The following WNT9B variants were observed in gnomAD, a reference collection of about 807,000 sequenced individuals.
The protein encoded by WNT9B is Wnt family member 9B, also known as protein Wnt-9b.
In WNT9B, 12 loss-of-function variants were observed where a neutral mutation model predicts 30.2. That is an observed-to-expected ratio of 0.40 (90% confidence interval 0.26 to 0.64). The LOEUF (loss-of-function observed/expected upper bound fraction) is 0.64, where lower values mean the gene tolerates loss of function less well. WNT9B is among the 30% of genes least tolerant of loss of function. WNT9B has a pLI of 0.42. For missense variants in WNT9B, 442 were observed against 485.2 expected (o/e 0.91, Z 0.84); for synonymous variants, 218 against 216.9 (o/e 1.01, Z -0.05).
At chr17:46,869,856 A>G (rs1458211438) in intron 1 of WNT9B, among the ~76,000 whole-genome samples, 1 of 151,956 alleles carries the variant, frequency 6.6e-6, no homozygotes, top group Non-Finnish European at 1.5e-5. Context: ...AAAATTAGCC[A>G]GGGATGGTGG....
intron 1 of WNT9B, among the ~76,000 whole-genome samples, chr17:46,836,039 A>C (rs1401150196): frequency 6.6e-6 from 1 of 150,566 alleles, no homozygotes; most frequent in Non-Finnish European, 1.5e-5. Flanking sequence ...GAGGATGGTC[A>C]GGGTCATAGT....
At chr17:46,852,256 G>A (rs2084862012) in intron 1 of WNT9B, among the ~76,000 whole-genome samples, 1 of 150,054 alleles carries the variant, frequency 6.7e-6, no homozygotes, top group African/African-American at 2.4e-5. Context: ...CAGGGAGAAT[G>A]GGGGAAACCT....
chr17:46,884,246 C>T (rs566505333), downstream of WNT9B, among the ~76,000 whole-genome samples: 16 of 152,316 alleles, frequency 1.1e-4, no homozygotes, highest in African/African-American at 3.1e-4. Context: ...GGTCACCTGA[C>T]GCTGACACAT....
intron 1 of WNT9B, chr17:46,833,542 C>T (rs1209043018): frequency 4.9e-6 from 2 of 410,388 alleles, no homozygotes; most frequent in East Asian, 1.4e-4. Flanking sequence ...CTGCTGGAGG[C>T]CGACCTGAGC....
intron 1 of WNT9B, among the ~76,000 whole-genome samples, chr17:46,857,592 C>G (rs2084960764): frequency 6.6e-6 from 1 of 151,200 alleles, no homozygotes; most frequent in Non-Finnish European, 1.5e-5. Context: ...TTTCATTTCT[C>G]TTGGATAACT....
chr17:46,854,340 T>G (rs1323786997), intron 1 of WNT9B, among the ~76,000 whole-genome samples: 1 of 152,242 alleles, frequency 6.6e-6, no homozygotes, highest in Non-Finnish European at 1.5e-5. Context: ...GTCATTTGCA[T>G]TTGATTATAA....
At chr17:46,849,006 T>G (rs1420631843), upstream of WNT9B, among the ~76,000 whole-genome samples, 1 of 152,090 alleles carries the variant, frequency 6.6e-6, no homozygotes, top group Non-Finnish European at 1.5e-5. Context: ...GAAGGAGCTA[T>G]TATCTGGGCA....
At chr17:46,847,467 A>T (rs1268697433), upstream of WNT9B, among the ~76,000 whole-genome samples, 1 of 152,224 alleles carries the variant, frequency 6.6e-6, no homozygotes, top group Non-Finnish European at 1.5e-5. Context: ...ATACAGTTCA[A>T]GTATGTGGGG....
chr17:46,866,121 T>C (rs1020479521), intron 1 of WNT9B, among the ~76,000 whole-genome samples: 5 of 151,988 alleles, frequency 3.3e-5, no homozygotes, highest in African/African-American at 1.2e-4. Context: ...GAAAGGCACC[T>C]GGAAGGTAGA....
intron 1 of WNT9B, among the ~76,000 whole-genome samples, chr17:46,846,109 A>G (rs942121283): frequency 6.6e-6 from 1 of 152,108 alleles, no homozygotes; most frequent in Non-Finnish European, 1.5e-5. Context: ...TGAAATTGAG[A>G]GTTCTCCTCC....
chr17:46,837,988 G>A lies in WNT9B; in HGVS notation c.95+4548G>A, dbSNP rs148477495. ...TGGCGTTTTCCACGTGTACATCACC[G>A]TCTTTCTCCACCCAAGGGAGTGAGC... On this transcript the variant is annotated intron_variant, in intron 1 of 2. Coordinates refer to the WNT9B transcript ENST00000575372. Among the ~76,000 whole-genome samples, 826 of 152,248 alleles carry A rather than the reference G, an allele frequency of 5.4e-3. 12 individuals carry two copies. Among genetic ancestry groups the A allele is most frequent in the African/African-American group, 0.018 (758 of 41,550 alleles).
intron 1 of WNT9B, among the ~76,000 whole-genome samples, chr17:46,870,592 A>AC (rs137906947): frequency 0.027 from 4,136 of 152,288 alleles, 79 homozygotes; most frequent in Non-Finnish European, 0.042. Flanking sequence ...TGATGGGTTG[A>AC]CTGCACCTGA....
At position 46,851,599 on chromosome 17, in the gene WNT9B, G is replaced by A. The variant is rs1379294011; in HGVS notation, c.-40G>A. ...TGGTGGCGGAGCTGCGAGCTTGAGC[G>A]GCGCGAGGAGATGCTAGAGGGCGCA... On this transcript the variant is annotated 5_prime_UTR_variant, in exon 1 of 4. Transcript: ENST00000290015. The surrounding 1 kb of genome is among the most constrained non-coding windows in gnomAD (Gnocchi z 4.3). 1.7e-6 allele frequency: 2 copies of A among 1,176,478 alleles called. No individual in the cohort carries two copies. Among genetic ancestry groups the A allele is most frequent in the East Asian group, 3.4e-5 (1 of 29,284 alleles). 72.9% of individuals were successfully genotyped at this position (1,176,478 alleles called of 1,614,324 possible).
chr17:46,872,397 C>T (rs12602170), intron 1 of WNT9B, 120 bp from the exon 2 acceptor site: 23 of 1,348,524 alleles, frequency 1.7e-5, no homozygotes, highest in Middle Eastern at 2.9e-4. Context: ...GGACCTCCAG[C>T]GGGTCAGCCT....
At chr17:46,834,707 A>G (rs775984114) in intron 1 of WNT9B, among the ~76,000 whole-genome samples, 36 of 151,986 alleles carry the variant, frequency 2.4e-4, no homozygotes, top group Admixed American at 9.2e-4. Context: ...CAGAGGAGCC[A>G]GTTTTAACCT....
chr17:46,872,549 C>G lies in WNT9B; in HGVS notation c.110C>G (p.Pro37Arg), dbSNP rs769476033. The change falls in exon 2 of 4, where the codon CCA becomes CGA. Residue 37 changes from proline to arginine, a missense_variant. Physicochemically the swap from Pro to Arg is moderately radical, Grantham distance 103 (BLOSUM62 -2). Coordinates refer to ENST00000290015, the MANE Select transcript of WNT9B (RefSeq NM_003396.3). The stretch of plus-strand genomic sequence containing the variant: ...GGGCGGGAAGTCCTGACGCCCTTCC[C>G]AGGATTGGGCACTGCGGCAGCCCCG... ...LTGREVLTPF[P>R]GLGTAAAPAQ... 3.2e-6 allele frequency: 5 copies of G among 1,571,792 alleles called. No homozygotes were observed. The South Asian group carries it at 4.7e-5, about 15-fold the overall frequency.
intron 1 of WNT9B, among the ~76,000 whole-genome samples, chr17:46,857,117 G>A (rs895626790): frequency 1.3e-5 from 2 of 152,130 alleles, no homozygotes; most frequent in Non-Finnish European, 2.9e-5. Context: ...TTATGGCTGA[G>A]TATTCCTTTG....
At chr17:46,842,034 G>A (rs1469090332) in intron 1 of WNT9B, among the ~76,000 whole-genome samples, 1 of 152,178 alleles carries the variant, frequency 6.6e-6, no homozygotes, top group African/African-American at 2.4e-5. Context: ...CCTCGGCGGG[G>A]CCTGGGCTGG....
exon 1 of WNT9B, chr17:46,833,302 A>G (rs2084579452): frequency 2.0e-6 from 1 of 500,654 alleles, no homozygotes; most frequent in African/African-American, 1.9e-5. Flanking sequence ...CTAACGTCCC[A>G]CTGAAAGCAA....
Sources: allele counts gnomAD v4.1 joint callset (sites outside exome capture counted in the v4.1 genomes callset), GRCh38; gene constraint gnomAD v4.1.1; non-coding constraint Gnocchi (gnomAD v3.1); transcripts MANE v1.5; gene names NCBI Gene and HGNC (gene_info 2026-07-23, HGNC 2026-07-21).